The following FAM171A1 variants were observed in gnomAD, a reference collection of about 807,000 sequenced individuals.
The protein encoded by FAM171A1 is family with sequence similarity 171 member A1.
A neutral mutation model predicts 74.9 loss-of-function variants in FAM171A1; 23 were observed. The ratio of observed to expected loss-of-function variants is 0.31; its 90% CI spans 0.22 to 0.44. The LOEUF is 0.44. Among genes scored for constraint, FAM171A1 ranks in the 20% least tolerant of loss-of-function variants. The probability of loss-of-function intolerance (pLI) is 1.00; values close to 1 mark genes in which losing one functional copy is unlikely to be tolerated. For synonymous variants in FAM171A1, 527 were observed against 505.7 expected, an observed-to-expected ratio of 1.04 and a Z score of -0.57; for missense variants, 1,162 against 1,159.2, an observed-to-expected ratio of 1.00 and a Z score of -0.03.
At chr10:15,307,633 T>C (rs7082374) in intron 1 of FAM171A1, among the ~76,000 whole-genome samples, 136,707 of 138,854 alleles carry the variant, frequency 0.98, 67,313 homozygotes, top group Non-Finnish European at 1. Flanking sequence ...GCAACAAGAG[T>C]GAAACTCCAT....
chr10:15,359,593 G>A (rs144952759), intron 1 of FAM171A1, among the ~76,000 whole-genome samples: 3 of 152,218 alleles, frequency 2.0e-5, no homozygotes, highest in East Asian at 1.9e-4. Context: ...CCTCATCCCC[G>A]GAACCTGTCA....
Position 15,321,214 on chromosome 10 carries a change from C to T in FAM171A1, c.98-37109G>A, listed in dbSNP as rs148261679. Reference sequence around the variant, plus strand: ...GCTTTAAATAAGAGAGAAGATGGTGCATATGAATTCCCTGCAGGAGAATTT... The same window carrying T: ...GCTTTAAATAAGAGAGAAGATGGTGTATATGAATTCCCTGCAGGAGAATTT... On this transcript the variant is annotated intron_variant, in intron 1 of 7. Transcript: ENST00000378116. 3.4e-3 allele frequency among the ~76,000 whole-genome samples: 522 copies of T among 152,284 alleles called. 4 individuals carry two copies. The highest frequency in any genetic ancestry group is 0.012 in the African/African-American group (492 of 41,568).
At chr10:15,300,344 C>A (rs961536183) in intron 1 of FAM171A1, among the ~76,000 whole-genome samples, 2 of 152,162 alleles carry the variant, frequency 1.3e-5, no homozygotes, top group Admixed American at 6.5e-5. Context: ...CTCACTTAAC[C>A]AGTCACGTGG....
In FAM171A1 at chr10:15,355,221, C is replaced by T. The variant is rs368204198; in HGVS notation, c.97+15735G>A. On this transcript the variant is annotated intron_variant, in intron 1 of 7. Coordinates refer to ENST00000378116, the MANE Select transcript of FAM171A1 (RefSeq NM_001010924.2). ...TGCCTCAGCCTCCTGAGTACAGGTGCGTGCCACCACGCCCAGCTAATTTTT... is the reference window on the plus strand; with the variant it reads ...TGCCTCAGCCTCCTGAGTACAGGTGTGTGCCACCACGCCCAGCTAATTTTT... 1.1e-4 allele frequency among the ~76,000 whole-genome samples: 16 copies of T among 152,278 alleles called. 1 individual carries two copies. Among genetic ancestry groups the T allele is most frequent in the African/African-American group, 3.4e-4 (14 of 41,556 alleles).
chr10:15,365,204 A>C (rs1476400713), intron 1 of FAM171A1, among the ~76,000 whole-genome samples: 1 of 152,170 alleles, frequency 6.6e-6, no homozygotes, highest in Non-Finnish European at 1.5e-5. Context: ...TGAGATTCCT[A>C]CTGCATGGAT....
chr10:15,265,989 G>A (rs931410681), intron 3 of FAM171A1, among the ~76,000 whole-genome samples: 1 of 152,206 alleles, frequency 6.6e-6, no homozygotes, highest in Non-Finnish European at 1.5e-5. Flanking sequence ...ACAAGAGGTA[G>A]AACGACCAGC....
intron 1 of FAM171A1, among the ~76,000 whole-genome samples, chr10:15,369,122 C>T (rs565129944): frequency 6.6e-6 from 1 of 151,960 alleles, no homozygotes; most frequent in South Asian, 2.1e-4. Flanking sequence ...CCTCCCATTT[C>T]GCATAATATT....
At chr10:15,263,283 G>A (rs867599355) in intron 3 of FAM171A1, among the ~76,000 whole-genome samples, 4 of 152,056 alleles carry the variant, frequency 2.6e-5, no homozygotes, top group Admixed American at 6.6e-5. Flanking sequence ...TCTCATCTCC[G>A]GCATTCATAC....
chr10:15,212,784 A>T lies in FAM171A1; in HGVS notation c.*131T>A. ...TTCTAACATTTACACGGCAAACAGG[A>T]ATGCAGTAAACGTCCACGTCCGTCC... On this transcript the variant is annotated 3_prime_UTR_variant, in exon 8 of 8. Coordinates refer to ENST00000378116, the MANE Select transcript of FAM171A1 (RefSeq NM_001010924.2). The T allele has an allele frequency of 8.9e-7, 1 of 1,120,782 alleles. No homozygotes were observed. The highest frequency in any genetic ancestry group is 1.3e-6 in the Non-Finnish European group (1 of 783,834). 69.4% of individuals were successfully genotyped at this position (1,120,782 alleles called of 1,614,324 possible). A position where few individuals can be genotyped will look rare whatever the true frequency, so the allele number is the denominator to read the frequency against.
chr10:15,276,338 G>T (rs1257056733), intron 2 of FAM171A1, among the ~76,000 whole-genome samples: 1 of 152,060 alleles, frequency 6.6e-6, no homozygotes, highest in African/African-American at 2.4e-5. Context: ...CTGCCACCAT[G>T]CCCAGATAAT....
chr10:15,290,797 G>A (rs939108329), intron 1 of FAM171A1, among the ~76,000 whole-genome samples: 2 of 152,122 alleles, frequency 1.3e-5, no homozygotes, highest in African/African-American at 4.8e-5. Context: ...AGATGAGAAC[G>A]ACCAGGTTGT....
At chr10:15,328,045 T>C (rs1835578288) in intron 1 of FAM171A1, among the ~76,000 whole-genome samples, 2 of 151,460 alleles carry the variant, frequency 1.3e-5, no homozygotes, top group Admixed American at 6.6e-5. Flanking sequence ...GATGTTGCCA[T>C]TGCTTAAATC....
At chr10:15,278,287 C>A (rs1834920563) in intron 2 of FAM171A1, among the ~76,000 whole-genome samples, 1 of 152,180 alleles carries the variant, frequency 6.6e-6, no homozygotes, top group African/African-American at 2.4e-5. Context: ...CAGAATGGGC[C>A]AGGTACCAGG....
intron 5 of FAM171A1, among the ~76,000 whole-genome samples, chr10:15,222,252 C>T (rs865821048): frequency 6.6e-6 from 1 of 152,174 alleles, no homozygotes; most frequent in Non-Finnish European, 1.5e-5. Flanking sequence ...AGCTGTGCAC[C>T]AAATGCAGGC....
chr10:15,261,364 C>A (rs1834654759), intron 3 of FAM171A1, among the ~76,000 whole-genome samples: 1 of 152,222 alleles, frequency 6.6e-6, no homozygotes, highest in Admixed American at 6.5e-5. Context: ...GATAATGGTA[C>A]TTTCTCTTCT....
At chr10:15,349,170 G>A (rs1588566095) in intron 1 of FAM171A1, among the ~76,000 whole-genome samples, 1 of 152,162 alleles carries the variant, frequency 6.6e-6, no homozygotes, top group African/African-American at 2.4e-5. Flanking sequence ...CCAGAAAAAC[G>A]GCATGTAATT....
intron 1 of FAM171A1, among the ~76,000 whole-genome samples, chr10:15,356,384 A>G (rs1835932638): frequency 6.6e-6 from 1 of 152,106 alleles, no homozygotes; most frequent in Admixed American, 6.6e-5. Flanking sequence ...CCAATTTGGG[A>G]AAAAGTCTAG....
intron 1 of FAM171A1, among the ~76,000 whole-genome samples, chr10:15,295,786 C>T (rs1447325971): frequency 6.6e-6 from 1 of 152,236 alleles, no homozygotes; most frequent in African/African-American, 2.4e-5. Context: ...AGTAGCCCAG[C>T]ACTCCTGTGG....
At chr10:15,356,840 G>A (rs1835938338) in intron 1 of FAM171A1, among the ~76,000 whole-genome samples, 1 of 151,912 alleles carries the variant, frequency 6.6e-6, no homozygotes, top group African/African-American at 2.4e-5. Context: ...GTGTGGTGGT[G>A]GGTACCTGTA....
Sources: gnomAD v4.1 joint callset for allele counts (sites outside exome capture counted in the v4.1 genomes callset) on GRCh38, gnomAD v4.1.1 for gene constraint, MANE v1.5 for transcripts, NCBI Gene and HGNC (gene_info 2026-07-23, HGNC 2026-07-21) for gene names.